ZFYVE19: variants seen among roughly 807,000 people sequenced by gnomAD.
ZFYVE19 encodes abscission/NoCut checkpoint regulator.
In ZFYVE19, 49 loss-of-function variants were observed where a neutral mutation model predicts 62.8. The ratio of observed to expected loss-of-function variants is 0.78; its 90% CI spans 0.62 to 0.99. The LOEUF is 0.99. Ranked by LOEUF, ZFYVE19 falls within the 50% of genes least tolerant of loss-of-function variation. The pLI, the probability that ZFYVE19 is intolerant of heterozygous loss-of-function variation, is 0.00. For missense variants in ZFYVE19, 630 were observed against 601.9 expected, an observed-to-expected ratio of 1.05 and a Z score of -0.49; for synonymous variants, 242 against 234.3, an observed-to-expected ratio of 1.03 and a Z score of -0.30.
rs1470056404 is a variant in ZFYVE19 at position 40,810,746 on chromosome 15, G to C, written c.815G>C (p.Gly272Ala). 1 of 1,561,030 alleles carries C rather than the reference G, an allele frequency of 6.4e-7. No individual in the cohort carries two copies. The highest frequency in any genetic ancestry group is 8.7e-7 in the Non-Finnish European group (1 of 1,152,162). Residue 272 changes from glycine to alanine, a missense_variant, in exon 6 of 11, where the codon GGA becomes GCA. Gly to Ala is a moderately conservative substitution (Grantham distance 60). Transcript: ENST00000355341. ...GTGGCTATCGATGAAAGCTGGAAAG[G>C]AGGAGGCCCAGGTAACCCCTCCACT... ...AEVAIDESWK[G>A]GGPAASLQND...
intron 1 of ZFYVE19, chr15:40,808,532 T>C: frequency 8.6e-7 from 1 of 1,167,074 alleles, no homozygotes; most frequent in Non-Finnish European, 1.2e-6. Context: ...TGCTGTCTTA[T>C]TGAGGCGGTG....
Position 40,814,180 on chromosome 15 carries a change from A to T in ZFYVE19, c.1370A>T (p.His457Leu), listed in dbSNP as rs754427079. The T allele has an allele frequency of 6.2e-7, 1 of 1,614,070 alleles. No homozygotes were observed. Among genetic ancestry groups the T allele is most frequent in the Admixed American group, 1.7e-5 (1 of 60,010 alleles). The change falls in exon 11 of 11, where the codon CAC becomes CTC. Residue 457 changes from histidine (H) to leucine (L), a missense_variant. Physicochemically the swap from His to Leu is moderately conservative, Grantham distance 99. Transcript: ENST00000355341. ...EGHDAFELKEHQTSAYSPPRA... is the reference protein window; with the variant it reads ...EGHDAFELKELQTSAYSPPRA... The stretch of plus-strand genomic sequence containing the variant: ...CATGATGCCTTTGAGCTTAAAGAGC[A>T]CCAGACATCTGCCTACTCTCCTCCA...
rs2141970057 is a variant in ZFYVE19 at position 40,807,098 on chromosome 15, T to A, written c.-492T>A. ...CGCAGAGGAGGCTAGCGTTCCTTGC[T>A]GCCTCGCCCCGCGGCCTCTAGGAGA... On this transcript the variant is annotated 5_prime_UTR_variant, in exon 1 of 11. Coordinates refer to ENST00000355341, the MANE Select transcript of ZFYVE19 (RefSeq NM_001077268.2). The A allele has an allele frequency of 1.4e-6, 1 of 730,756 alleles. No homozygotes were observed. Among genetic ancestry groups the A allele is most frequent in the South Asian group, 1.9e-5 (1 of 52,386 alleles). 45.3% of individuals were successfully genotyped at this position (730,756 alleles called of 1,614,324 possible).
At chr15:40,812,472 G>GTGAGCT (rs1890517683) in intron 6 of ZFYVE19, among the ~76,000 whole-genome samples, 1 of 151,440 alleles carries the variant, frequency 6.6e-6, no homozygotes, top group Non-Finnish European at 1.5e-5. Flanking sequence ...CTTGAATCCA[G>GTGAGCT]GAGGCAGAGG....
chr15:40,812,900 G>A lies in ZFYVE19; in HGVS notation c.1028G>A (p.Arg343Lys), dbSNP rs1219304901. 2 of 1,610,088 alleles carry A rather than the reference G, an allele frequency of 1.2e-6. No individual in the cohort carries two copies. Among genetic ancestry groups the A allele is most frequent in the Admixed American group, 1.7e-5 (1 of 60,026 alleles). Residue 343 changes from arginine (R) to lysine (K), a missense_variant and splice_region_variant, in exon 7 of 11, where the codon AGA becomes AAA. Arg to Lys is a conservative substitution (Grantham distance 26). Transcript: ENST00000355341. The stretch of plus-strand genomic sequence containing the variant: ...ATGCTGCGGGGACAGGACCCCGAGA[G>A]AGGTGAAGGCTGGGGAGCAGCTGCT... ...LAMLRGQDPE[R>K]VTLQDYRLPD... is the part of the protein sequence containing the mutation.
At position 40,807,424 on chromosome 15, in the gene ZFYVE19, A is replaced by G. The variant is rs757782859; in HGVS notation, c.-166A>G. Reference sequence around the variant, plus strand: ...TAGCAGCGCGTACAGGTCCATCTGTAAGAGCTCCTTGGTCACTGCCATGGT... The same window carrying G: ...TAGCAGCGCGTACAGGTCCATCTGTGAGAGCTCCTTGGTCACTGCCATGGT... On this transcript the variant is annotated 5_prime_UTR_variant, in exon 1 of 11. Transcript: ENST00000355341. The G allele has an allele frequency of 2.0e-5, 32 of 1,614,124 alleles. No homozygotes were observed. The South Asian group carries it at 3.2e-4, about 16-fold the overall frequency.
In ZFYVE19 at chr15:40,814,719, G is replaced by A. The variant is rs1198260092; in HGVS notation, c.*493G>A. The A allele has an allele frequency of 5.7e-6, 1 of 176,722 alleles. No homozygotes were observed. The highest frequency in any genetic ancestry group is 1.2e-5 in the Non-Finnish European group (1 of 81,832). The allele number at this position is 176,722 out of a possible 1,614,324, so 10.9% of individuals were successfully genotyped here. ...AGGCAGGAACAGCCCTACCCATCCT[G>A]GTGGCCTCATACGAAGTAAACATGT... is the stretch of plus-strand genomic sequence containing the variant. On this transcript the variant is annotated 3_prime_UTR_variant, in exon 11 of 11. Transcript: ENST00000355341.
Position 40,809,917 on chromosome 15 carries a change from A to G in ZFYVE19, c.518A>G (p.Gln173Arg). ...STSQSQGLTR[Q>R]DQMIAERLAR... ...TCCCAGAGCCAGGGACTGACACGAC[A>G]AGACCAGATGATTGCTGAGCGCCTA... The change falls in exon 4 of 11, where the codon CAA becomes CGA. Residue 173 changes from glutamine to arginine, a missense_variant. Physicochemically the swap from Gln to Arg is conservative, Grantham distance 43 (BLOSUM62 1). Coordinates refer to ENST00000355341, the MANE Select transcript of ZFYVE19 (RefSeq NM_001077268.2). 6.2e-7 allele frequency: 1 copy of G among 1,614,216 alleles called. No homozygotes were observed. The highest frequency in any genetic ancestry group is 8.5e-7 in the Non-Finnish European group (1 of 1,180,034).
Position 40,807,753 on chromosome 15 carries a change from G to A in ZFYVE19, c.164G>A (p.Arg55Lys), listed in dbSNP as rs1185965219. 6.3e-7 allele frequency: 1 copy of A among 1,590,876 alleles called. No homozygotes were observed. Among genetic ancestry groups the A allele is most frequent in the East Asian group, 2.2e-5 (1 of 44,710 alleles). Residue 55 changes from arginine (R) to lysine (K), a missense_variant, in exon 1 of 11, where the codon AGG becomes AAG. Coordinates refer to ENST00000355341, the MANE Select transcript of ZFYVE19 (RefSeq NM_001077268.2). ...REGRSWGEGP[R>K]GPGLGRRDLS... ...GGGCGGAGCTGGGGTGAGGGTCCAA[G>A]GGGCCCAGGACTTGGCCGGCGTGAT...
At position 40,814,829 on chromosome 15, in the gene ZFYVE19, A is replaced by G. The variant is rs1367831456; in HGVS notation, c.*603A>G. On this transcript the variant is annotated 3_prime_UTR_variant, in exon 11 of 11. Coordinates refer to ENST00000355341, the MANE Select transcript of ZFYVE19 (RefSeq NM_001077268.2). ...CCATCTTGGATTTCTCAGCCTCTCTACTACTCACACAATGCACGCAGGAAC... is the reference window on the plus strand; with the variant it reads ...CCATCTTGGATTTCTCAGCCTCTCTGCTACTCACACAATGCACGCAGGAAC... The G allele has an allele frequency of 1.9e-5, 3 of 159,338 alleles. No individual in the cohort carries two copies. The highest frequency in any genetic ancestry group is 2.8e-5 in the Non-Finnish European group (2 of 72,056). The allele number at this position is 159,338 out of a possible 1,614,324, so 9.9% of individuals were successfully genotyped here.
At chr15:40,812,282 T>G (rs1890510254) in intron 6 of ZFYVE19, among the ~76,000 whole-genome samples, 1 of 152,208 alleles carries the variant, frequency 6.6e-6, no homozygotes, top group Non-Finnish European at 1.5e-5. Context: ...GCATGATGGC[T>G]CACGCCTGTA....
chr15:40,813,489 T>C (rs1490032160), intron 8 of ZFYVE19, 72 bp downstream of exon 8: 7 of 1,456,228 alleles, frequency 4.8e-6, no homozygotes, highest in Admixed American at 2.0e-5. Flanking sequence ...ACTCTGGGGC[T>C]GGGTGGACAG....
rs764391752 is a variant in ZFYVE19, at chr15:40,810,176, C to T, written c.677C>T (p.Ala226Val). 38 of 1,614,184 alleles carry T rather than the reference C, an allele frequency of 2.4e-5. No individual in the cohort carries two copies. The highest frequency in any genetic ancestry group is 1.8e-4 in the East Asian group (8 of 44,888). Residue 226 changes from alanine to valine, a missense_variant, in exon 5 of 11, where the codon GCG becomes GTG. Transcript: ENST00000355341. ...STQEMEARLAALQGRVLPSQT... is the reference protein window; with the variant it reads ...STQEMEARLAVLQGRVLPSQT... ...CAGGAAATGGAGGCACGACTTGCAG[C>T]GTTGCAGGGCAGAGTTCTACCTTCT...
intron 6 of ZFYVE19, among the ~76,000 whole-genome samples, chr15:40,812,012 C>T (rs188008652): frequency 1.1e-4 from 16 of 152,314 alleles, no homozygotes; most frequent in East Asian, 1.9e-4. Context: ...GCAAAGAGAT[C>T]GGCTGAACCT....
chr15:40,808,074 A>T, intron 1 of ZFYVE19: 1 of 931,118 alleles, frequency 1.1e-6, no homozygotes, highest in Non-Finnish European at 1.6e-6. Context: ...GAAGTGCTTT[A>T]GGTGAGAGTT....
intron 6 of ZFYVE19, among the ~76,000 whole-genome samples, chr15:40,811,466 TCTA>T (rs1890483956): frequency 6.6e-6 from 1 of 152,326 alleles, no homozygotes; most frequent in Non-Finnish European, 1.5e-5. Flanking sequence ...TGCTACTAAA[TCTA>T]CTATGTCACA....
Position 40,807,527 on chromosome 15 carries a change from G to T in ZFYVE19, c.-63G>T, listed in dbSNP as rs563094713. The T allele has an allele frequency of 3.7e-6, 6 of 1,605,662 alleles. No individual in the cohort carries two copies. Among genetic ancestry groups the T allele is most frequent in the South Asian group, 3.3e-5 (3 of 90,340 alleles). ...GACTGCAGGCTCCGAGCGGCGCCTA[G>T]CCCTCTGGGAATTGTGTTCTGGGTC... On this transcript the variant is annotated 5_prime_UTR_variant, in exon 1 of 11. Transcript: ENST00000355341.
chr15:40,807,231 G>C lies in ZFYVE19; in HGVS notation c.-359G>C. 3 of 1,554,364 alleles carry C rather than the reference G, an allele frequency of 1.9e-6. No individual in the cohort carries two copies. In the South Asian group the frequency reaches 3.5e-5, roughly 18 times the overall value. On this transcript the variant is annotated 5_prime_UTR_variant, in exon 1 of 11. Transcript: ENST00000355341. ...GGAAATGTCTGGGAGCCCGCCTGCGGAGGGCATAGCGCCGACCCTCGCTCC... is the reference window on the plus strand; with the variant it reads ...GGAAATGTCTGGGAGCCCGCCTGCGCAGGGCATAGCGCCGACCCTCGCTCC...
At position 40,814,767 on chromosome 15, in the gene ZFYVE19, C is replaced by T. The variant is rs1890617364; in HGVS notation, c.*541C>T. 2 of 163,302 alleles carry T rather than the reference C, an allele frequency of 1.2e-5. No homozygotes were observed. The highest frequency in any genetic ancestry group is 1.3e-5 in the Non-Finnish European group (1 of 74,126). 10.1% of individuals were successfully genotyped at this position (163,302 alleles called of 1,614,324 possible). A position where few individuals can be genotyped will look rare whatever the true frequency, so the allele number is the denominator to read the frequency against. On this transcript the variant is annotated 3_prime_UTR_variant, in exon 11 of 11. Coordinates refer to ENST00000355341, the MANE Select transcript of ZFYVE19 (RefSeq NM_001077268.2). ...TGTATTCATTCAACTCAACTGTGCT[C>T]CAGCTCTGGGCAGCCCCACTTAGCC...
Sources: gnomAD v4.1 joint callset for allele counts (sites outside exome capture counted in the v4.1 genomes callset) on GRCh38, gnomAD v4.1.1 for gene constraint, MANE v1.5 for transcripts, NCBI Gene and HGNC (gene_info 2026-07-23, HGNC 2026-07-21) for gene names.